Variants in ADGRF5 observed in about 807,000 individuals in gnomAD.
The protein encoded by ADGRF5 is adhesion G protein-coupled receptor F5.
A neutral mutation model predicts 132.3 loss-of-function variants in ADGRF5; 75 were observed. That is an observed-to-expected ratio of 0.57 (90% CI 0.47 to 0.69). The LOEUF (loss-of-function observed/expected upper bound fraction) is 0.69, where lower values mean the gene tolerates loss of function less well. ADGRF5 is among the 30% of genes least tolerant of loss of function. The pLI is 0.00. For missense variants in ADGRF5, 1,516 were observed against 1,630.6 expected, an observed-to-expected ratio of 0.93 and a Z score of 1.21; for synonymous variants, 629 against 597.6, an observed-to-expected ratio of 1.05 and a Z score of -0.77.
At chr6:46,924,732 C>T (rs934830822), upstream of ADGRF5, among the ~76,000 whole-genome samples, 4 of 152,182 alleles carry the variant, frequency 2.6e-5, no homozygotes, top group Non-Finnish European at 4.4e-5. Context: ...CTAGCTATAC[C>T]ATCAGTCTCT....
intron 1 of ADGRF5, among the ~76,000 whole-genome samples, chr6:46,939,005 G>C (rs895051260): frequency 1.6e-4 from 25 of 151,824 alleles, no homozygotes; most frequent in African/African-American, 5.8e-4. Context: ...CAAGTAGCTG[G>C]GACTACAGGT....
upstream of ADGRF5, among the ~76,000 whole-genome samples, chr6:46,925,080 G>A (rs775671231): frequency 6.6e-6 from 1 of 152,076 alleles, no homozygotes; most frequent in African/African-American, 2.4e-5. Context: ...CTCATCTCCC[G>A]TAGTCAGAGC....
At chr6:46,902,221 C>T (rs368174041) in intron 2 of ADGRF5, among the ~76,000 whole-genome samples, 7 of 152,210 alleles carry the variant, frequency 4.6e-5, no homozygotes, top group Non-Finnish European at 7.3e-5. Flanking sequence ...GAAGGTTCTT[C>T]GTGCTTTCCT....
At chr6:46,948,207 A>C (rs1778369110) in intron 1 of ADGRF5, among the ~76,000 whole-genome samples, 1 of 152,220 alleles carries the variant, frequency 6.6e-6, no homozygotes, top group South Asian at 2.1e-4. Flanking sequence ...AAACAAACAA[A>C]TAAAACCCCT....
At chr6:46,901,991 G>T (rs931578047) in intron 2 of ADGRF5, among the ~76,000 whole-genome samples, 1 of 152,182 alleles carries the variant, frequency 6.6e-6, no homozygotes, top group Non-Finnish European at 1.5e-5. Flanking sequence ...AATGGGGAGC[G>T]ACTGTGTACT....
intron 10 of ADGRF5, 40 bp from the exon 11 acceptor site, chr6:46,872,053 A>T: frequency 6.8e-7 from 1 of 1,467,162 alleles, no homozygotes. Flanking sequence ...CAGCTGGCTA[A>T]CTCTTTTATT....
chr6:46,927,462 C>T (rs961605819), intron 1 of ADGRF5, among the ~76,000 whole-genome samples: 7 of 152,104 alleles, frequency 4.6e-5, no homozygotes, highest in Non-Finnish European at 1.0e-4. Flanking sequence ...ACCTTATGCT[C>T]TGGTGAACCC....
upstream of ADGRF5, among the ~76,000 whole-genome samples, chr6:46,925,490 C>T (rs771527197): frequency 2.0e-5 from 3 of 152,214 alleles, no homozygotes; most frequent in Non-Finnish European, 4.4e-5. Flanking sequence ...AGTGCAGTGG[C>T]TCATGCCTGT....
exon 1 of ADGRF5, chr6:46,954,752 T>C (rs1778657351): frequency 6.6e-6 from 1 of 152,196 alleles, no homozygotes; most frequent in African/African-American, 2.4e-5. Flanking sequence ...TCTGGAGTTT[T>C]CAGGCTTCTA....
intron 17 of ADGRF5, among the ~76,000 whole-genome samples, 156 bp from the exon 18 acceptor site, chr6:46,857,064 G>A (rs1769138614): frequency 6.6e-6 from 1 of 152,202 alleles, no homozygotes; most frequent in Non-Finnish European, 1.5e-5. Flanking sequence ...TCAAAGACAG[G>A]CATTTGGTCC....
chr6:46,911,749 TG>T (rs1403693035), intron 1 of ADGRF5, among the ~76,000 whole-genome samples: 1 of 152,196 alleles, frequency 6.6e-6, no homozygotes, highest in African/African-American at 2.4e-5. Flanking sequence ...ATTCCTTTAC[TG>T]GAAAAACATT....
rs1769363621 is a variant in ADGRF5 at position 46,858,822 on chromosome 6, C to T, written c.3081G>A (p.Leu1027=). 1.2e-6 allele frequency: 2 copies of T among 1,613,956 alleles called. No homozygotes were observed. Among genetic ancestry groups the T allele is most frequent in the African/African-American group, 1.3e-5 (1 of 74,892 alleles). ...CAGCTTCCACAACTAGACAGGCTGC[C>T]AAGCTCAAGATGGAAAAGCCCACCC... ...YVGVGFSILS[L]AACLVVEAVV... Residue 1027 remains leucine (L), a synonymous_variant, in exon 17 of 21, where the codon TTG becomes TTA. Coordinates refer to ENST00000283296, the MANE Select transcript of ADGRF5 (RefSeq NM_001098518.2).
chr6:46,951,442 G>C (rs944931946), intron 1 of ADGRF5, among the ~76,000 whole-genome samples: 3 of 152,180 alleles, frequency 2.0e-5, no homozygotes, highest in African/African-American at 7.2e-5. Flanking sequence ...CTATGGAAGG[G>C]CAAAGCATGG....
rs1463596405 is a variant in ADGRF5, at chr6:46,871,825, G to A, written c.1411+18C>T. 1 of 1,552,774 alleles carries A rather than the reference G, an allele frequency of 6.4e-7. No individual in the cohort carries two copies. Among genetic ancestry groups the A allele is most frequent in the Non-Finnish European group, 8.8e-7 (1 of 1,136,216 alleles). On this transcript the variant is annotated intron_variant, in intron 11 of 20. Coordinates refer to ENST00000283296, the MANE Select transcript of ADGRF5 (RefSeq NM_001098518.2). ...GTGGAACCTATTTATGGCTAAAAAT[G>A]CTAGGGAGAGTCCTTACCCACAGAG...
chr6:46,914,237 T>C (rs1776232118), intron 1 of ADGRF5, among the ~76,000 whole-genome samples: 1 of 152,202 alleles, frequency 6.6e-6, no homozygotes, highest in East Asian at 1.9e-4. Flanking sequence ...ACCTACTCCC[T>C]GAACTGTAGA....
intron 2 of ADGRF5, chr6:46,903,337 T>TGA (rs1219826312): frequency 6.6e-6 from 1 of 152,128 alleles, no homozygotes; most frequent in African/African-American, 2.4e-5. Context: ...GGGGACTGTC[T>TGA]GAGCCACAGT....
chr6:46,914,616 T>C (rs1776269092), intron 1 of ADGRF5, among the ~76,000 whole-genome samples: 1 of 152,082 alleles, frequency 6.6e-6, no homozygotes, highest in South Asian at 2.1e-4. Flanking sequence ...TGATAACCTT[T>C]TATCCCTCTT....
At chr6:46,912,486 G>T (rs1036576484) in intron 1 of ADGRF5, among the ~76,000 whole-genome samples, 3 of 152,072 alleles carry the variant, frequency 2.0e-5, no homozygotes, top group Non-Finnish European at 4.4e-5. Context: ...GCAGGTGAAG[G>T]GTACGAGGCA....
chr6:46,875,209 A>C (rs1771513046), intron 10 of ADGRF5, among the ~76,000 whole-genome samples: 1 of 152,208 alleles, frequency 6.6e-6, no homozygotes, highest in Non-Finnish European at 1.5e-5. Context: ...TGGTAAACTC[A>C]GAAAACACAA....
Sources: gnomAD v4.1 joint callset for allele counts (sites outside exome capture counted in the v4.1 genomes callset) on GRCh38, gnomAD v4.1.1 for gene constraint, MANE v1.5 for transcripts, NCBI Gene and HGNC (gene_info 2026-07-23, HGNC 2026-07-21) for gene names.